Variants in CHD7 observed in about 807,000 individuals in gnomAD.
The protein encoded by CHD7 is chromodomain helicase DNA binding protein 7, also known as ATP-dependent chromatin remodeler CHD7.
A neutral mutation model predicts 307.3 loss-of-function variants in CHD7; 24 were observed. The ratio of observed to expected loss-of-function variants is 0.08; its 90% CI spans 0.06 to 0.11. CHD7 has a LOEUF of 0.11. Ranked by LOEUF, CHD7 falls within the 10% of genes least tolerant of loss-of-function variation. The pLI is 1.00. For synonymous variants in CHD7, 1,363 were observed against 1,349.9 expected (o/e 1.01, Z -0.21); for missense variants, 3,106 against 3,727.1 (o/e 0.83, Z 4.34).
chr8:60,836,353 A>C, intron 16 of CHD7, 70 bp downstream of exon 16: 1 of 1,309,612 alleles, frequency 7.6e-7, no homozygotes, highest in Non-Finnish European at 1.0e-6. Flanking sequence ...CAAGCAGTCC[A>C]CCTAAAAGTG....
At chr8:60,857,179 A>G (rs150073135) in intron 34 of CHD7, among the ~76,000 whole-genome samples, 1 of 152,222 alleles carries the variant, frequency 6.6e-6, no homozygotes, top group African/African-American at 2.4e-5. Context: ...TAGAATTGTT[A>G]TCTCTGAATT....
chr8:60,809,423 G>A (rs1265593965), intron 7 of CHD7: 2 of 152,140 alleles, frequency 1.3e-5, no homozygotes, highest in African/African-American at 4.8e-5. Flanking sequence ...GAGGGAGAGA[G>A]TTCCCTTGTA....
At chr8:60,792,105 C>T (rs1003840830) in intron 3 of CHD7, among the ~76,000 whole-genome samples, 1 of 152,176 alleles carries the variant, frequency 6.6e-6, no homozygotes, top group African/African-American at 2.4e-5. Flanking sequence ...AACTGAGGCT[C>T]AGACAAATTA....
intron 3 of CHD7, among the ~76,000 whole-genome samples, chr8:60,793,595 C>T (rs1177046453): frequency 1.3e-5 from 2 of 152,104 alleles, no homozygotes; most frequent in African/African-American, 4.8e-5. Context: ...TTGGCTTCTT[C>T]CTTTTGTAGT....
chr8:60,713,236 C>G (rs565048134), intron 1 of CHD7, among the ~76,000 whole-genome samples: 1 of 151,904 alleles, frequency 6.6e-6, no homozygotes, highest in Non-Finnish European at 1.5e-5. Context: ...TTCAGCCTCA[C>G]TAGTAGCTGG....
chr8:60,850,813 C>A, intron 26 of CHD7, 191 bp downstream of exon 26: 1 of 735,568 alleles, frequency 1.4e-6, no homozygotes, highest in Non-Finnish European at 2.2e-6. Flanking sequence ...TAATCTGAAA[C>A]TTGTTTTTCT....
At chr8:60,712,965 C>T (rs537222900) in intron 1 of CHD7, among the ~76,000 whole-genome samples, 13 of 148,206 alleles carry the variant, frequency 8.8e-5, no homozygotes, top group Admixed American at 6.1e-4. Context: ...ACAGGAGAAT[C>T]GCTTGAACCC....
intron 1 of CHD7, among the ~76,000 whole-genome samples, chr8:60,709,032 A>G (rs1472277010): frequency 6.6e-6 from 1 of 151,890 alleles, no homozygotes; most frequent in East Asian, 1.9e-4. Context: ...CCTCTCTCTG[A>G]CTGAGGCTCT....
intron 1 of CHD7, among the ~76,000 whole-genome samples, chr8:60,687,190 G>A (rs371151184): frequency 9.9e-4 from 151 of 152,292 alleles, no homozygotes; most frequent in African/African-American, 3.5e-3. Flanking sequence ...ATAATACTAA[G>A]CAGTCATAGT....
intron 1 of CHD7, among the ~76,000 whole-genome samples, chr8:60,700,446 A>G (rs1806705340): frequency 6.6e-6 from 1 of 152,208 alleles, no homozygotes. Context: ...TCTCAGTCCA[A>G]ACTAGAAGAT....
At chr8:60,759,896 C>T (rs1461659828) in intron 2 of CHD7, among the ~76,000 whole-genome samples, 6 of 152,100 alleles carry the variant, frequency 3.9e-5, no homozygotes, top group Non-Finnish European at 5.9e-5. Context: ...ATCTATTCAT[C>T]GGATGTTTAG....
intron 21 of CHD7, among the ~76,000 whole-genome samples, chr8:60,844,578 GA>G (rs1374226186): frequency 6.6e-6 from 1 of 152,180 alleles, no homozygotes; most frequent in African/African-American, 2.4e-5. Flanking sequence ...CTCATGTCCT[GA>G]AAATTGCTGC....
At chr8:60,735,784 A>G (rs1246079116) in intron 1 of CHD7, among the ~76,000 whole-genome samples, 1 of 152,240 alleles carries the variant, frequency 6.6e-6, no homozygotes, top group African/African-American at 2.4e-5. Flanking sequence ...ACCTCTAAGA[A>G]GAAATACATA....
intron 7 of CHD7, among the ~76,000 whole-genome samples, chr8:60,815,635 T>TG (rs1803700104): frequency 6.6e-6 from 1 of 151,934 alleles, no homozygotes; most frequent in African/African-American, 2.4e-5. Flanking sequence ...TGGGGAGTCT[T>TG]GAGGGGAGGG....
chr8:60,854,272 A>G, intron 31 of CHD7, 91 bp from the exon 32 acceptor site: 1 of 1,118,004 alleles, frequency 8.9e-7, no homozygotes. Flanking sequence ...AATGGAGCTG[A>G]TTAGTATTCA....
intron 9 of CHD7, among the ~76,000 whole-genome samples, chr8:60,821,367 A>G (rs1013047342): frequency 6.6e-6 from 1 of 152,152 alleles, no homozygotes; most frequent in African/African-American, 2.4e-5. Context: ...ATAATGCCCA[A>G]TAATACTGTT....
intron 9 of CHD7, among the ~76,000 whole-genome samples, chr8:60,820,472 G>A (rs1178602193): frequency 6.6e-6 from 1 of 152,052 alleles, no homozygotes; most frequent in Non-Finnish European, 1.5e-5. Context: ...TTTAGAATTG[G>A]GCATCATTAG....
At chr8:60,679,305 G>A (rs1448169209) in intron 1 of CHD7, among the ~76,000 whole-genome samples, 2 of 146,440 alleles carry the variant, frequency 1.4e-5, no homozygotes, top group African/African-American at 2.5e-5. Flanking sequence ...CGCGGGGCCC[G>A]AACCCGCGCC....
intron 2 of CHD7, among the ~76,000 whole-genome samples, chr8:60,762,153 A>G (rs1292205564): frequency 6.6e-6 from 1 of 152,036 alleles, no homozygotes; most frequent in African/African-American, 2.4e-5. Flanking sequence ...CTCTCAGTAA[A>G]GTCCTTCTTA....
Sources: gnomAD v4.1 joint callset for allele counts (sites outside exome capture counted in the v4.1 genomes callset) on GRCh38, gnomAD v4.1.1 for gene constraint, MANE v1.5 for transcripts, NCBI Gene and HGNC (gene_info 2026-07-23, HGNC 2026-07-21) for gene names.